OSBPL1A: variants seen among roughly 807,000 people sequenced by gnomAD.
OSBPL1A encodes the protein oxysterol binding protein like 1A.
In OSBPL1A, 80 loss-of-function variants were observed where a neutral mutation model predicts 137.1. The observed-to-expected ratio is 0.58, with a 90% confidence interval of 0.49 to 0.70. The LOEUF is 0.70. Ranked by LOEUF, OSBPL1A falls within the 30% of genes least tolerant of loss-of-function variation. The pLI is 0.00. For missense variants in OSBPL1A, 970 were observed against 1,129.4 expected (o/e 0.86, Z 2.02); for synonymous variants, 365 against 389.7 (o/e 0.94, Z 0.75).
chr18:24,170,592 T>G, intron 23 of OSBPL1A, 139 bp from the exon 24 acceptor site: 2 of 815,016 alleles, frequency 2.5e-6, no homozygotes, highest in Non-Finnish European at 4.0e-6. Context: ...GCAGATGAGA[T>G]CAGGCGTGTT....
chr18:24,351,546 T>G (rs1411328099), intron 4 of OSBPL1A, among the ~76,000 whole-genome samples: 1 of 151,960 alleles, frequency 6.6e-6, no homozygotes, highest in Middle Eastern at 3.2e-3. Flanking sequence ...GTTTGTTTGT[T>G]TGTTTGTTTT....
At chr18:24,354,892 T>G (rs1041097612) in intron 4 of OSBPL1A, among the ~76,000 whole-genome samples, 12 of 152,076 alleles carry the variant, frequency 7.9e-5, no homozygotes, top group Non-Finnish European at 1.3e-4. Flanking sequence ...GCCCTCCCAC[T>G]GTTCCCTGCT....
chr18:24,311,255 T>C (rs2090616053), intron 13 of OSBPL1A, among the ~76,000 whole-genome samples: 2 of 152,220 alleles, frequency 1.3e-5, no homozygotes, highest in South Asian at 2.1e-4. Flanking sequence ...CGCCAACTCA[T>C]TTAATTTATA....
intron 15 of OSBPL1A, chr18:24,272,039 C>A (rs937293759): frequency 2.0e-6 from 2 of 982,130 alleles, no homozygotes; most frequent in Non-Finnish European, 2.4e-6. Flanking sequence ...GGGCAGCGTC[C>A]GGGCCGCTCC....
rs189773457 is a variant in OSBPL1A, at chr18:24,289,480, G to A, written c.1175-8532C>T. The stretch of plus-strand genomic sequence containing the variant: ...TCTGTCACCCAGGCTGCAATGCAAT[G>A]GCATGATCTTGGCTCACTGTAACCC... On this transcript the variant is annotated intron_variant, in intron 14 of 27. Transcript: ENST00000319481. Among the ~76,000 whole-genome samples, 148 of 131,568 alleles carry A rather than the reference G, an allele frequency of 1.1e-3. 1 individual carries two copies. The highest frequency in any genetic ancestry group is 1.7e-3 in the Non-Finnish European group (108 of 64,176). The allele number at this position is 131,568 out of a possible 152,430, so 86.3% of individuals were successfully genotyped here.
At chr18:24,164,093 C>A (rs1010964923) in intron 27 of OSBPL1A, among the ~76,000 whole-genome samples, 12 of 152,256 alleles carry the variant, frequency 7.9e-5, no homozygotes, top group Admixed American at 1.3e-4. Context: ...AAATAACTTG[C>A]CCAACCTAGT....
chr18:24,238,934 G>C (rs2088590300), intron 16 of OSBPL1A, among the ~76,000 whole-genome samples: 1 of 152,156 alleles, frequency 6.6e-6, no homozygotes, highest in Non-Finnish European at 1.5e-5. Context: ...ACCCAGTAAA[G>C]GACAAATCAA....
At chr18:24,393,267 A>AT (rs1056883013) in intron 1 of OSBPL1A, among the ~76,000 whole-genome samples, 10 of 152,296 alleles carry the variant, frequency 6.6e-5, no homozygotes, top group East Asian at 1.9e-4. Context: ...AAACAAATGC[A>AT]TTTTTTGCTT....
intron 15 of OSBPL1A, among the ~76,000 whole-genome samples, chr18:24,251,572 G>A (rs778004479): frequency 2.6e-5 from 4 of 152,098 alleles, no homozygotes; most frequent in African/African-American, 4.8e-5. Flanking sequence ...AAGTCTCTTC[G>A]AATACCTGGA....
chr18:24,352,585 G>A (rs368966495), intron 4 of OSBPL1A, among the ~76,000 whole-genome samples: 1 of 151,874 alleles, frequency 6.6e-6, no homozygotes, highest in African/African-American at 2.4e-5. Context: ...CATATGGAAC[G>A]AAAAAAGAGC....
chr18:24,383,176 G>A (rs1039120215), intron 1 of OSBPL1A, among the ~76,000 whole-genome samples: 3 of 152,058 alleles, frequency 2.0e-5, no homozygotes, highest in African/African-American at 7.2e-5. Context: ...AAACAAAAAA[G>A]CTTCATGTCT....
At chr18:24,225,395 C>G (rs1306745051) in intron 16 of OSBPL1A, among the ~76,000 whole-genome samples, 197 bp from the exon 17 acceptor site, 1 of 152,168 alleles carries the variant, frequency 6.6e-6, no homozygotes, top group African/African-American at 2.4e-5. Flanking sequence ...ATTTATCAAA[C>G]AGAGGTACAC....
rs775848792 is a variant in OSBPL1A, at chr18:24,185,685, G to A, written c.1678-4406C>T. Among the ~76,000 whole-genome samples the A allele has an allele frequency of 8.5e-5, 13 of 152,268 alleles. No individual in the cohort carries two copies. In the South Asian group the frequency reaches 1.0e-3, roughly 12 times the overall value. The stretch of plus-strand genomic sequence containing the variant: ...TGCTGACAATAGGGAGGCTATGCAC[G>A]TGTGGGGCCAGGGAGTGTGTGGGAA... On this transcript the variant is annotated intron_variant, in intron 18 of 27. Coordinates refer to ENST00000319481, the MANE Select transcript of OSBPL1A (RefSeq NM_080597.4).
chr18:24,218,782 T>C (rs951942260), intron 17 of OSBPL1A, among the ~76,000 whole-genome samples: 2 of 152,158 alleles, frequency 1.3e-5, no homozygotes, highest in African/African-American at 4.8e-5. Context: ...ATGTATTATA[T>C]ACTTGAAAAT....
At chr18:24,185,328 CTTTTTTTTT>C (rs200202342) in intron 18 of OSBPL1A, among the ~76,000 whole-genome samples, 5 of 139,926 alleles carry the variant, frequency 3.6e-5, no homozygotes, top group Admixed American at 7.1e-5. Context: ...ATTCTTTTTT[CTTTTTTTTT>C]TTTTTTTTGA....
chr18:24,320,017 G>A (rs1311282024), intron 7 of OSBPL1A, among the ~76,000 whole-genome samples: 6 of 151,644 alleles, frequency 4.0e-5, no homozygotes, highest in African/African-American at 4.8e-5. Context: ...AGCCAGGCAC[G>A]GTGGCATGTG....
chr18:24,332,572 CAAA>C lies in OSBPL1A; in HGVS notation c.625+367_625+369del, dbSNP rs34897629. On this transcript the variant is annotated intron_variant, in intron 7 of 27. Transcript: ENST00000319481. ...AACAATATGTATTAAATAGAAACAG[CAAA>C]AAAAAAAAAAAAAGGTTTCATAATG... Among the ~76,000 whole-genome samples the C allele has an allele frequency of 5.5e-3, 599 of 108,460 alleles. 5 individuals are homozygous for C. Among genetic ancestry groups the C allele is most frequent in the African/African-American group, 0.017 (569 of 33,500 alleles). 71.2% of individuals were successfully genotyped at this position (108,460 alleles called of 152,430 possible).
intron 4 of OSBPL1A, among the ~76,000 whole-genome samples, chr18:24,365,091 G>T (rs1037227569): frequency 6.7e-6 from 1 of 149,018 alleles, no homozygotes; most frequent in East Asian, 1.9e-4. Context: ...TCCAGCAAAG[G>T]TATCTAGGCA....
intron 2 of OSBPL1A, among the ~76,000 whole-genome samples, chr18:24,370,948 G>A (rs764606301): frequency 6.6e-6 from 1 of 152,046 alleles, no homozygotes; most frequent in Non-Finnish European, 1.5e-5. Context: ...GGATTACAGG[G>A]GTGAGCCACT....
Sources: allele counts gnomAD v4.1 joint callset (sites outside exome capture counted in the v4.1 genomes callset), GRCh38; gene constraint gnomAD v4.1.1; transcripts MANE v1.5; gene names NCBI Gene and HGNC (gene_info 2026-07-23, HGNC 2026-07-21).